The following ANO1 variants were observed in gnomAD, a reference collection of about 807,000 sequenced individuals.
ANO1 encodes the protein anoctamin 1.
ANO1 carries 59 observed loss-of-function variants against 124.0 expected under a neutral mutation model. That is an observed-to-expected ratio of 0.48 (90% CI 0.39 to 0.59). ANO1 has a LOEUF of 0.59. Ranked by LOEUF, ANO1 falls within the 20% of genes least tolerant of loss-of-function variation. The pLI, the probability that ANO1 is intolerant of heterozygous loss-of-function variation, is 0.00. For missense variants in ANO1, 1,059 were observed against 1,328.0 expected (o/e 0.80, Z 3.15); for synonymous variants, 529 against 532.0 (o/e 0.99, Z 0.08).
intron 4 of ANO1, among the ~76,000 whole-genome samples, chr11:70,105,061 C>T (rs922726726): frequency 3.3e-5 from 5 of 152,084 alleles, no homozygotes; most frequent in African/African-American, 7.2e-5. Flanking sequence ...GAGGAAACCG[C>T]CCTCCTTCCA....
chr11:70,111,787 A>T (rs758302227), intron 7 of ANO1, 25 bp downstream of exon 7: 3 of 1,613,370 alleles, frequency 1.9e-6, no homozygotes, highest in South Asian at 1.1e-5. Context: ...CACACGATTT[A>T]TCTCTGCGTC....
intron 21 of ANO1, 73 bp downstream of exon 21, chr11:70,167,460 G>C: frequency 6.6e-7 from 1 of 1,525,596 alleles, no homozygotes; most frequent in South Asian, 1.3e-5. Context: ...AGTGGGGAAG[G>C]GCTGCAGGGG....
intron 1 of ANO1, among the ~76,000 whole-genome samples, chr11:69,995,097 T>TG: frequency 1.7e-4 from 1 of 5,758 alleles, no homozygotes; most frequent in African/African-American, 2.3e-4. Flanking sequence ...GGCACTGTTT[T>TG]TTTTTTTTTT....
intron 1 of ANO1, among the ~76,000 whole-genome samples, chr11:69,990,691 G>T (rs947930084): frequency 3.3e-5 from 5 of 151,780 alleles, no homozygotes; most frequent in Non-Finnish European, 7.4e-5. Flanking sequence ...CTGTGGGTGC[G>T]AAGTGGTATA....
At chr11:70,181,791 A>G (rs1367591633) in intron 23 of ANO1, among the ~76,000 whole-genome samples, 3 of 152,136 alleles carry the variant, frequency 2.0e-5, no homozygotes, top group Admixed American at 2.0e-4. Flanking sequence ...AAAAAAAAAA[A>G]AAGTAGTAGC....
At chr11:70,165,143 C>T (rs1371579582) in intron 19 of ANO1, among the ~76,000 whole-genome samples, 1 of 152,122 alleles carries the variant, frequency 6.6e-6, no homozygotes, top group Non-Finnish European at 1.5e-5. Context: ...CCTCATGGTT[C>T]CTTTACTTGC....
intron 1 of ANO1, among the ~76,000 whole-genome samples, chr11:70,016,994 G>T (rs78720202): frequency 6.6e-6 from 1 of 152,158 alleles, no homozygotes; most frequent in African/African-American, 2.4e-5. Context: ...TCTTTTCCCG[G>T]TCTTTCTTCC....
At chr11:70,177,499 G>A (rs1326069744) in intron 22 of ANO1, among the ~76,000 whole-genome samples, 1 of 151,730 alleles carries the variant, frequency 6.6e-6, no homozygotes, top group Admixed American at 6.6e-5. Context: ...TGCAGGGGGC[G>A]CCCCCGGGCA....
intron 15 of ANO1, among the ~76,000 whole-genome samples, chr11:70,156,742 G>C (rs2047831254): frequency 6.6e-6 from 1 of 152,198 alleles, no homozygotes; most frequent in African/African-American, 2.4e-5. Flanking sequence ...CTGTGACATA[G>C]GTGATAAACC....
chr11:70,146,543 A>G (rs2047385942), intron 11 of ANO1, among the ~76,000 whole-genome samples: 1 of 152,180 alleles, frequency 6.6e-6, no homozygotes, highest in Admixed American at 6.5e-5. Flanking sequence ...CTGGAAAGAC[A>G]GAACTAATAG....
Position 70,018,973 on chromosome 11 carries a change from G to A in ANO1, c.58+32807G>A, listed in dbSNP as rs556592099. Among the ~76,000 whole-genome samples the A allele has an allele frequency of 3.9e-5, 6 of 152,348 alleles. No homozygotes were observed. The East Asian group carries it at 1.2e-3, about 29-fold the overall frequency. ...CGTTCACACACAGTTAGAGTCCATGGAAGGGAGAAAATCCTGCGGCAATAA... is the reference window on the plus strand; with the variant it reads ...CGTTCACACACAGTTAGAGTCCATGAAAGGGAGAAAATCCTGCGGCAATAA... On this transcript the variant is annotated intron_variant, in intron 1 of 27. Coordinates refer to the ANO1 transcript ENST00000531349.
At chr11:70,164,399 G>A (rs780848324) in intron 19 of ANO1, among the ~76,000 whole-genome samples, 7 of 152,188 alleles carry the variant, frequency 4.6e-5, no homozygotes, top group Non-Finnish European at 8.8e-5. Context: ...CCCAAGACAC[G>A]GGCCTCCTCC....
At chr11:70,147,151 A>G (rs1342064869) in intron 11 of ANO1, among the ~76,000 whole-genome samples, 1 of 152,218 alleles carries the variant, frequency 6.6e-6, no homozygotes, top group African/African-American at 2.4e-5. Flanking sequence ...AAAGCGTCGT[A>G]AAAGGGCGTT....
chr11:70,006,663 C>CTTTTTTT (rs56851839), intron 1 of ANO1, among the ~76,000 whole-genome samples: 88 of 88,994 alleles, frequency 9.9e-4, no homozygotes, highest in Non-Finnish European at 1.2e-3. Context: ...TTTCTTCTTT[C>CTTTTTTT]TTTTTTTTTT....
At chr11:70,182,819 A>T in intron 24 of ANO1, 133 bp downstream of exon 24, 2 of 911,598 alleles carry the variant, frequency 2.2e-6, no homozygotes, top group Non-Finnish European at 3.1e-6. Flanking sequence ...GAAGAAGGAA[A>T]AAAAAAAAGG....
chr11:69,987,436 A>G (rs1190212468), intron 1 of ANO1, among the ~76,000 whole-genome samples: 1 of 152,146 alleles, frequency 6.6e-6, no homozygotes, highest in African/African-American at 2.4e-5. Flanking sequence ...TTGTGCAGAC[A>G]AAGAAACTGA....
the ANO1 span, among the ~76,000 whole-genome samples, chr11:69,978,508 A>G: frequency 6.6e-6 from 1 of 151,966 alleles, no homozygotes; most frequent in Admixed American, 6.6e-5. Context: ...GCGCCAACAC[A>G]CCCAGCTAAT....
Position 70,187,812 on chromosome 11 carries a change from C to G in ANO1, c.2769C>G (p.Ile923Met), listed in dbSNP as rs2049192431. The G allele has an allele frequency of 6.2e-7, 1 of 1,609,394 alleles. No homozygotes were observed. Among genetic ancestry groups the G allele is most frequent in the Non-Finnish European group, 8.5e-7 (1 of 1,178,174 alleles). Residue 923 changes from isoleucine to methionine, a missense_variant, in exon 26 of 26, where the codon ATC becomes ATG. Physicochemically the swap from Ile to Met is conservative, Grantham distance 10. Transcript: ENST00000355303. ...PDIPKDISQQ[I>M]HKEKVLMVEL... The stretch of plus-strand genomic sequence containing the variant: ...TCCCCAAGGACATCAGCCAGCAGAT[C>G]CACAAGGAGAAGGTGCTCATGGTGG...
intron 8 of ANO1, among the ~76,000 whole-genome samples, chr11:70,121,081 G>A (rs960176155): frequency 2.8e-4 from 43 of 152,144 alleles, no homozygotes; most frequent in Admixed American, 2.8e-3. Flanking sequence ...CCCTCCACAC[G>A]TCTGTCAGAA....
Sources: gnomAD v4.1 joint callset for allele counts (sites outside exome capture counted in the v4.1 genomes callset) on GRCh38, gnomAD v4.1.1 for gene constraint, MANE v1.5 for transcripts, NCBI Gene and HGNC (gene_info 2026-07-23, HGNC 2026-07-21) for gene names.